Variants in CTNNA2 observed in about 807,000 individuals in gnomAD.
CTNNA2 encodes catenin alpha 2.
CTNNA2 carries 42 observed loss-of-function variants against 101.0 expected under a neutral mutation model. The observed-to-expected ratio is 0.42, with a 90% CI of 0.32 to 0.54. CTNNA2 has a LOEUF of 0.54. Among genes scored for constraint, CTNNA2 ranks in the 20% least tolerant of loss-of-function variants. CTNNA2 has a pLI of 0.14. For synonymous variants in CTNNA2, 450 were observed against 456.4 expected, an observed-to-expected ratio of 0.99 and a Z score of 0.18; for missense variants, 871 against 1,223.1, an observed-to-expected ratio of 0.71 and a Z score of 4.29.
intron 2 of CTNNA2, among the ~76,000 whole-genome samples, chr2:79,217,870 T>C (rs960390113): frequency 1.3e-5 from 2 of 152,206 alleles, no homozygotes; most frequent in Non-Finnish European, 2.9e-5. Flanking sequence ...ACTAAACTTC[T>C]TGAGGGCAAA....
At chr2:80,600,684 A>G (rs1359804939) in intron 15 of CTNNA2, among the ~76,000 whole-genome samples, 4 of 152,194 alleles carry the variant, frequency 2.6e-5, no homozygotes, top group African/African-American at 7.2e-5. Flanking sequence ...TTTAACGTCT[A>G]AACGACTGAA....
At chr2:79,705,400 GTGAC>G (rs1206767863) in intron 2 of CTNNA2, among the ~76,000 whole-genome samples, 1 of 152,134 alleles carries the variant, frequency 6.6e-6, no homozygotes, top group African/African-American at 2.4e-5. Flanking sequence ...TTGTTAATCT[GTGAC>G]TGTGCATAAT....
chr2:80,616,824 A>G (rs994907174), intron 17 of CTNNA2, among the ~76,000 whole-genome samples: 39 of 151,708 alleles, frequency 2.6e-4, no homozygotes, highest in African/African-American at 7.7e-4. Context: ...CTAATATCAT[A>G]TATAAAGGCA....
chr2:79,635,663 C>T (rs1192160095), intron 1 of CTNNA2, among the ~76,000 whole-genome samples: 4 of 150,872 alleles, frequency 2.7e-5, no homozygotes, highest in Non-Finnish European at 5.9e-5. Context: ...GCCACCACTC[C>T]CGGGTAATTT....
At chr2:79,922,558 C>T (rs1193987573) in intron 7 of CTNNA2, among the ~76,000 whole-genome samples, 1 of 151,796 alleles carries the variant, frequency 6.6e-6, no homozygotes, top group African/African-American at 2.4e-5. Flanking sequence ...TAATTTTAGG[C>T]TTCTAATCTC....
intron 7 of CTNNA2, among the ~76,000 whole-genome samples, chr2:80,319,875 T>G (rs1678510887): frequency 6.6e-6 from 1 of 152,220 alleles, no homozygotes; most frequent in Non-Finnish European, 1.5e-5. Context: ...GACTGAGCCT[T>G]TCTGTAAAAG....
chr2:80,059,225 C>T (rs895831687), intron 7 of CTNNA2, among the ~76,000 whole-genome samples: 5 of 152,100 alleles, frequency 3.3e-5, no homozygotes, highest in African/African-American at 9.7e-5. Context: ...TCAGTTGCCC[C>T]GGCTGGGTTC....
At chr2:79,612,494 AC>A (rs1326600768) in intron 1 of CTNNA2, among the ~76,000 whole-genome samples, 1 of 152,178 alleles carries the variant, frequency 6.6e-6, no homozygotes, top group African/African-American at 2.4e-5. Context: ...GAGGCAATCT[AC>A]ATTTTCTAGC....
At chr2:79,378,838 A>G (rs145274058) in intron 4 of CTNNA2, among the ~76,000 whole-genome samples, 281 of 152,206 alleles carry the variant, frequency 1.8e-3, no homozygotes, top group African/African-American at 6.4e-3. Flanking sequence ...TAAATGATTT[A>G]GTTACAATGC....
At chr2:79,372,731 C>G (rs1044247053) in intron 3 of CTNNA2, among the ~76,000 whole-genome samples, 2 of 152,098 alleles carry the variant, frequency 1.3e-5, no homozygotes, top group Non-Finnish European at 2.9e-5. Flanking sequence ...AACCAGAGAT[C>G]GACAAGAACA....
At chr2:80,197,192 A>G (rs1706894795) in intron 7 of CTNNA2, among the ~76,000 whole-genome samples, 1 of 152,144 alleles carries the variant, frequency 6.6e-6, no homozygotes, top group South Asian at 2.1e-4. Context: ...TACTTGCTTA[A>G]TGGCTGCTTA....
chr2:80,323,313 G>C (rs1678903044), intron 7 of CTNNA2, among the ~76,000 whole-genome samples: 1 of 152,152 alleles, frequency 6.6e-6, no homozygotes, highest in African/African-American at 2.4e-5. Flanking sequence ...GGTCTCCCTA[G>C]GTGGTTCTGA....
intron 7 of CTNNA2, among the ~76,000 whole-genome samples, chr2:79,921,283 C>T (rs1686634573): frequency 6.6e-6 from 1 of 152,108 alleles, no homozygotes; most frequent in African/African-American, 2.4e-5. Flanking sequence ...TTTAATATAG[C>T]ACGGGTTAAA....
At chr2:79,230,175 G>C (rs533623072) in intron 2 of CTNNA2, among the ~76,000 whole-genome samples, 3 of 152,206 alleles carry the variant, frequency 2.0e-5, no homozygotes, top group Non-Finnish European at 4.4e-5. Flanking sequence ...CAATACAATG[G>C]GGAAAATGTC....
intron 3 of CTNNA2, among the ~76,000 whole-genome samples, chr2:79,754,972 A>G (rs1360774624): frequency 1.3e-5 from 2 of 152,098 alleles, no homozygotes; most frequent in Non-Finnish European, 2.9e-5. Flanking sequence ...TCTTCCCTCT[A>G]CGGATCTCAC....
intron 2 of CTNNA2, among the ~76,000 whole-genome samples, chr2:79,290,056 A>C (rs915604554): frequency 1.3e-5 from 2 of 152,180 alleles, no homozygotes; most frequent in African/African-American, 4.8e-5. Context: ...CTACATACTC[A>C]GGTGCCCACT....
intron 2 of CTNNA2, among the ~76,000 whole-genome samples, chr2:79,294,239 G>GAAC (rs57258484): frequency 7.4e-6 from 1 of 135,998 alleles, no homozygotes; most frequent in African/African-American, 2.7e-5. Flanking sequence ...AGAAGAAGAA[G>GAAC]AGGAGGAGGA....
intron 9 of CTNNA2, among the ~76,000 whole-genome samples, chr2:80,542,748 A>C (rs191629088): frequency 6.6e-6 from 1 of 152,280 alleles, no homozygotes; most frequent in East Asian, 1.9e-4. Flanking sequence ...GCCATCATCT[A>C]AAATTATCAC....
chr2:80,464,436 G>A (rs577346967), intron 9 of CTNNA2, among the ~76,000 whole-genome samples: 108 of 152,246 alleles, frequency 7.1e-4, no homozygotes, highest in Non-Finnish European at 1.3e-3. Context: ...AGTTCCTCCT[G>A]CCCTGATGGT....
Sources: gnomAD v4.1 joint callset for allele counts (sites outside exome capture counted in the v4.1 genomes callset) on GRCh38, gnomAD v4.1.1 for gene constraint, MANE v1.5 for transcripts, NCBI Gene and HGNC (gene_info 2026-07-23, HGNC 2026-07-21) for gene names.